Variants in GALNT2 observed in about 807,000 individuals in gnomAD.
GALNT2 encodes the protein polypeptide N-acetylgalactosaminyltransferase 2, also known as UDP-GalNAc:polypeptide N-acetylgalactosaminyltransferase 2.
Under a neutral mutation model 81.4 loss-of-function variants are expected in GALNT2, and 31 were observed. The observed-to-expected ratio is 0.38, with a 90% CI of 0.29 to 0.51. The LOEUF is 0.51. GALNT2 is among the 20% of genes least tolerant of loss of function. The pLI, the probability that GALNT2 is intolerant of heterozygous loss-of-function variation, is 0.87. For missense variants in GALNT2, 629 were observed against 765.7 expected (o/e 0.82, Z 2.11); for synonymous variants, 303 against 287.4 (o/e 1.05, Z -0.55).
At chr1:230,081,484 A>G (rs1659727081) in intron 1 of GALNT2, among the ~76,000 whole-genome samples, 2 of 28,852 alleles carry the variant, frequency 6.9e-5, no homozygotes, top group Admixed American at 7.9e-4. Flanking sequence ...CTATCTGAAT[A>G]TAGCGTGTTA....
At chr1:230,133,472 A>G (rs1661435567) in intron 1 of GALNT2, among the ~76,000 whole-genome samples, 3 of 147,748 alleles carry the variant, frequency 2.0e-5, no homozygotes, top group Non-Finnish European at 4.5e-5. Flanking sequence ...TTTGAGACAG[A>G]GTCTCACTCT....
rs552959415 is a variant in GALNT2 at position 230,147,932 on chromosome 1, G to A, written c.127-30286G>A. 3.3e-5 allele frequency among the ~76,000 whole-genome samples: 5 copies of A among 152,308 alleles called. No individual in the cohort carries two copies. The East Asian group carries it at 9.6e-4, about 29-fold the overall frequency. On this transcript the variant is annotated intron_variant, in intron 1 of 15. Transcript: ENST00000366672. The stretch of plus-strand genomic sequence containing the variant: ...GCAGTGGTAGATGCTCCTAGCACAC[G>A]TCCACACCTTCAGGGCAAACGCTCT...
rs139360579 is a variant in GALNT2, at chr1:230,123,480, A to G, written c.127-54738A>G. Among the ~76,000 whole-genome samples the G allele has an allele frequency of 1.1e-3, 160 of 152,290 alleles. 1 individual carries two copies. The highest frequency in any genetic ancestry group is 3.8e-3 in the African/African-American group (156 of 41,542). On this transcript the variant is annotated intron_variant, in intron 1 of 15. Coordinates refer to ENST00000366672, the MANE Select transcript of GALNT2 (RefSeq NM_004481.5). ...TTTGTGTGAGTTCCAGGGTTCGAAA[A>G]TAACTGACGTATACTGGTTGTGTAT...
intron 1 of GALNT2, among the ~76,000 whole-genome samples, chr1:230,169,712 C>A (rs1339925258): frequency 6.6e-6 from 1 of 152,178 alleles, no homozygotes; most frequent in African/African-American, 2.4e-5. Flanking sequence ...TTGAGCAGCC[C>A]CACGTTATTC....
rs1259269609 is a variant in GALNT2 at position 230,175,598 on chromosome 1, CTCG to C, written c.127-2617_127-2615del. 4.8e-4 allele frequency among the ~76,000 whole-genome samples: 46 copies of C among 96,504 alleles called. 2 individuals carry two copies. Among genetic ancestry groups the C allele is most frequent in the African/African-American group, 2.4e-3 (44 of 18,642 alleles). The allele number at this position is 96,504 out of a possible 152,430, so 63.3% of individuals were successfully genotyped here. A position where few individuals can be genotyped will look rare whatever the true frequency, so the allele number is the denominator to read the frequency against. ...TGCCTCCTCCCCTCCTCGTCCCCTCCTCGTCCTCCTCCTCCCCCTCCCTCTCCC... is the reference window on the plus strand; with the variant it reads ...TGCCTCCTCCCCTCCTCGTCCCCTCCTCCTCCTCCTCCCCCTCCCTCTCCC... On this transcript the variant is annotated intron_variant, in intron 1 of 15. Transcript: ENST00000366672.
chr1:230,068,366 G>A (rs1659268567), intron 1 of GALNT2, among the ~76,000 whole-genome samples: 1 of 152,270 alleles, frequency 6.6e-6, no homozygotes, highest in African/African-American at 2.4e-5. Flanking sequence ...GCGTCGGGCT[G>A]TGTGCTGGAG....
intron 1 of GALNT2, chr1:230,092,181 T>TTTTTGTTTTTTTTTTTTTG (rs776859825): frequency 2.6e-5 from 3 of 114,010 alleles, no homozygotes; most frequent in African/African-American, 1.1e-4. Context: ...CTTTAGTTTT[T>TTTTTGTTTTTTTTTTTTTG]TTTTTTTTTT....
At chr1:230,062,728 G>A (rs951530232), upstream of GALNT2, among the ~76,000 whole-genome samples, 1 of 152,072 alleles carries the variant, frequency 6.6e-6, no homozygotes, top group African/African-American at 2.4e-5. Flanking sequence ...CCATTGCATG[G>A]ATATACCACA....
At position 230,246,103 on chromosome 1, in the gene GALNT2, A is replaced by AT. The variant is rs1331612091; in HGVS notation, c.771dup (p.Met258TyrfsTer12). ...GTGTCACCCATCATCGATGTCATTA[A>AT]TATGGACAACTTTCAGTATGTGGGG... On this transcript the variant is annotated frameshift_variant, in exon 8 of 16. Coordinates refer to ENST00000366672, the MANE Select transcript of GALNT2 (RefSeq NM_004481.5). LOFTEE classifies it high-confidence loss of function. 1 of 1,613,988 alleles carries AT rather than the reference A, an allele frequency of 6.2e-7. No homozygotes were observed. The highest frequency in any genetic ancestry group is 1.3e-5 in the African/African-American group (1 of 74,894).
intron 1 of GALNT2, among the ~76,000 whole-genome samples, chr1:230,120,515 T>G (rs868006386): frequency 5.9e-5 from 9 of 152,210 alleles, no homozygotes; most frequent in Middle Eastern, 6.8e-3. Flanking sequence ...GAACACTGTG[T>G]TCCATGTCTA....
chr1:230,259,568 C>G (rs2102757799), intron 11 of GALNT2: 1 of 152,268 alleles, frequency 6.6e-6, no homozygotes, highest in African/African-American at 2.4e-5. Context: ...TCAATCTCCC[C>G]CAAAATTCAG....
chr1:230,110,908 G>A (rs1163866859), intron 1 of GALNT2, among the ~76,000 whole-genome samples: 1 of 152,134 alleles, frequency 6.6e-6, no homozygotes, highest in Non-Finnish European at 1.5e-5. Flanking sequence ...TGGGGAAAAT[G>A]TATGCTCTTC....
At chr1:230,151,675 T>G (rs1572023687) in intron 1 of GALNT2, among the ~76,000 whole-genome samples, 1 of 152,142 alleles carries the variant, frequency 6.6e-6, no homozygotes, top group East Asian at 1.9e-4. Context: ...CAACTACAGA[T>G]GAACCAGTGT....
chr1:230,115,813 A>G (rs755727064), intron 1 of GALNT2, among the ~76,000 whole-genome samples: 1 of 152,222 alleles, frequency 6.6e-6, no homozygotes, highest in Non-Finnish European at 1.5e-5. Context: ...GTCTTTGTCA[A>G]TTAAGTTTAT....
At chr1:230,165,983 G>A (rs35113366) in intron 1 of GALNT2, among the ~76,000 whole-genome samples, 4,049 of 152,306 alleles carry the variant, frequency 0.027, 65 homozygotes, top group Non-Finnish European at 0.041. Flanking sequence ...CCACTGTTTT[G>A]GATCAGGTTG....
intron 1 of GALNT2, among the ~76,000 whole-genome samples, chr1:230,171,951 G>A (rs10864729): frequency 0.21 from 31,237 of 151,148 alleles, 3,464 homozygotes; most frequent in East Asian, 0.44. Flanking sequence ...ATGACTGGCT[G>A]GGTGCAGCAG....
Position 230,275,155 on chromosome 1 carries a change from CACATAT to C in GALNT2, c.1560+600_1560+605del, listed in dbSNP as rs1438992412. Among the ~76,000 whole-genome samples, 7 of 150,424 alleles carry C rather than the reference CACATAT, an allele frequency of 4.7e-5. No individual in the cohort carries two copies. Among genetic ancestry groups the C allele is most frequent in the Non-Finnish European group, 8.9e-5 (6 of 67,640 alleles). Reference sequence around the variant, plus strand: ...ACACCACATATACATATATACACACCACATATACATATACCTGCCACATATATACAT... The same window carrying C: ...ACACCACATATACATATATACACACCACATATACCTGCCACATATATACAT... On this transcript the variant is annotated intron_variant, in intron 15 of 15. Coordinates refer to ENST00000366672, the MANE Select transcript of GALNT2 (RefSeq NM_004481.5). This position sits in a 1 kb window ranked among gnomAD's most constrained non-coding sequence, Gnocchi z 5.5.
intron 2 of GALNT2, among the ~76,000 whole-genome samples, chr1:230,199,437 T>A (rs1342477636): frequency 6.6e-6 from 1 of 152,174 alleles, no homozygotes; most frequent in Non-Finnish European, 1.5e-5. Flanking sequence ...TTTTCCAAAT[T>A]ATGGGTTGTG....
upstream of GALNT2, among the ~76,000 whole-genome samples, chr1:230,064,167 T>A (rs1659111204): frequency 6.6e-6 from 1 of 152,212 alleles, no homozygotes; most frequent in Admixed American, 6.5e-5. Flanking sequence ...GTCTGTCTGT[T>A]TTATATGGTA....
Sources: allele counts gnomAD v4.1 joint callset (sites outside exome capture counted in the v4.1 genomes callset), GRCh38; gene constraint gnomAD v4.1.1; non-coding constraint Gnocchi (gnomAD v3.1); transcripts MANE v1.5; gene names NCBI Gene and HGNC (gene_info 2026-07-23, HGNC 2026-07-21).